MAGI1: variants seen among roughly 807,000 people sequenced by gnomAD.
MAGI1 encodes membrane associated guanylate kinase, WW and PDZ domain containing 1, also known as membrane-associated guanylate kinase, WW and PDZ domain-containing protein 1.
Under a neutral mutation model 139.9 loss-of-function variants are expected in MAGI1, and 58 were observed. That is an observed-to-expected ratio of 0.41 (90% CI 0.34 to 0.52). The LOEUF is 0.52. Ranked by LOEUF, MAGI1 falls within the 20% of genes least tolerant of loss-of-function variation. MAGI1 has a pLI of 0.12. For synonymous variants in MAGI1, 812 were observed against 737.9 expected (o/e 1.10, Z -1.63); for missense variants, 1,874 against 1,901.6 (o/e 0.99, Z 0.27).
intron 3 of MAGI1, among the ~76,000 whole-genome samples, chr3:65,492,545 G>A (rs570061321): frequency 7.2e-5 from 11 of 152,268 alleles, no homozygotes; most frequent in Non-Finnish European, 1.5e-4. Flanking sequence ...TTACTGAATT[G>A]CAATGACCTA....
At chr3:65,795,131 T>G (rs1287152618) in intron 1 of MAGI1, among the ~76,000 whole-genome samples, 1 of 152,202 alleles carries the variant, frequency 6.6e-6, no homozygotes, top group Non-Finnish European at 1.5e-5. Context: ...TGACCAGCAA[T>G]TGCTCTCTTG....
intron 1 of MAGI1, among the ~76,000 whole-genome samples, chr3:65,726,494 C>T (rs1220306307): frequency 6.6e-6 from 1 of 152,118 alleles, no homozygotes; most frequent in Non-Finnish European, 1.5e-5. Context: ...GCATATATTG[C>T]CCTATTTTTG....
In MAGI1 at chr3:65,354,941, T is replaced by C. The variant is rs1940137491; in HGVS notation, c.*1437A>G. ...TACAGTACCATGGGAACAACAGTGATTGACTTGCAAAGTTTTCTGTCTCTA... is the reference window on the plus strand; with the variant it reads ...TACAGTACCATGGGAACAACAGTGACTGACTTGCAAAGTTTTCTGTCTCTA... On this transcript the variant is annotated 3_prime_UTR_variant, in exon 23 of 23. Coordinates refer to ENST00000402939, the MANE Select transcript of MAGI1 (RefSeq NM_001033057.2). The C allele has an allele frequency of 6.6e-6, 1 of 152,278 alleles. No homozygotes were observed. 9.4% of individuals were successfully genotyped at this position (152,278 alleles called of 1,614,324 possible).
At chr3:65,446,540 TTGTGCTCCTGTACACAGC>T (rs11268153) in intron 7 of MAGI1, among the ~76,000 whole-genome samples, 45,424 of 151,926 alleles carry the variant, frequency 0.3, 7,094 homozygotes, top group African/African-American at 0.35. Flanking sequence ...GCAAATAAGG[TTGTGCTCCTGTACACAGC>T]TGTGCTATCT....
At chr3:65,707,391 C>A (rs974700955) in intron 1 of MAGI1, among the ~76,000 whole-genome samples, 1 of 152,164 alleles carries the variant, frequency 6.6e-6, no homozygotes, top group Non-Finnish European at 1.5e-5. Flanking sequence ...CTCGCCTCCC[C>A]GAGTGCCAGG....
intron 1 of MAGI1, among the ~76,000 whole-genome samples, chr3:65,781,897 C>CGG (rs2038965380): frequency 6.6e-6 from 1 of 151,936 alleles, no homozygotes; most frequent in Non-Finnish European, 1.5e-5. Flanking sequence ...ACTGGGGAAC[C>CGG]CCCCCTCACT....
intron 1 of MAGI1, among the ~76,000 whole-genome samples, chr3:65,630,425 G>C (rs1420587608): frequency 6.6e-6 from 1 of 152,162 alleles, no homozygotes; most frequent in Non-Finnish European, 1.5e-5. Context: ...TGGTATGCTA[G>C]AGAAACAGCA....
Position 66,033,363 on chromosome 3 carries a change from T to C in MAGI1, c.313+4633A>G, listed in dbSNP as rs192913572. Among the ~76,000 whole-genome samples, 568 of 152,228 alleles carry C rather than the reference T, an allele frequency of 3.7e-3. 7 individuals are homozygous for C. Among genetic ancestry groups the C allele is most frequent in the African/African-American group, 0.013 (540 of 41,542 alleles). ...AGTGGTGTGTGGGGGCCAGCTCACA[T>C]TGGCTTGGGAACAGCAAGTATACGC... On this transcript the variant is annotated intron_variant, in intron 1 of 22. Transcript: ENST00000402939.
chr3:65,652,445 G>A lies in MAGI1; in HGVS notation c.314-30357C>T, dbSNP rs956333395. Among the ~76,000 whole-genome samples, 6 of 152,148 alleles carry A rather than the reference G, an allele frequency of 3.9e-5. No individual in the cohort carries two copies. The South Asian group carries it at 6.2e-4, about 16-fold the overall frequency. ...TGCTCAGCATGTAGGATATGTTAGCGGCACCCCTGGTCTCTGTCCACAAGA... is the reference window on the plus strand; with the variant it reads ...TGCTCAGCATGTAGGATATGTTAGCAGCACCCCTGGTCTCTGTCCACAAGA... On this transcript the variant is annotated intron_variant, in intron 1 of 22. Transcript: ENST00000402939.
intron 1 of MAGI1, among the ~76,000 whole-genome samples, chr3:65,625,277 A>G (rs1177316590): frequency 6.6e-6 from 1 of 152,226 alleles, no homozygotes; most frequent in East Asian, 1.9e-4. Context: ...TATGTAAGCT[A>G]TACCAATAAA....
At chr3:65,809,293 A>G (rs880167) in intron 1 of MAGI1, among the ~76,000 whole-genome samples, 29,193 of 152,106 alleles carry the variant, frequency 0.19, 3,635 homozygotes, top group East Asian at 0.43. Flanking sequence ...TAGAAGAAAA[A>G]TTTAAGACCA....
At chr3:65,713,646 T>A (rs1352460984) in intron 1 of MAGI1, among the ~76,000 whole-genome samples, 1 of 152,130 alleles carries the variant, frequency 6.6e-6, no homozygotes, top group East Asian at 1.9e-4. Flanking sequence ...CAAAGAGACC[T>A]CAGTTCAAGT....
chr3:65,843,247 T>C (rs563787712), intron 1 of MAGI1, among the ~76,000 whole-genome samples: 72 of 152,308 alleles, frequency 4.7e-4, no homozygotes, highest in African/African-American at 1.6e-3. Flanking sequence ...TGCCATATTA[T>C]GTGGCAGCCC....
intron 2 of MAGI1, among the ~76,000 whole-genome samples, chr3:65,494,702 T>C (rs985270552): frequency 2.6e-5 from 4 of 152,352 alleles, no homozygotes; most frequent in East Asian, 1.9e-4. Flanking sequence ...TGTAATGCAA[T>C]TAAATAACCG....
chr3:65,687,894 T>G, intron 1 of MAGI1: 2 of 647,874 alleles, frequency 3.1e-6, no homozygotes. Context: ...TATCAAGGTA[T>G]TGCAGGGTGC....
chr3:65,396,786 G>C (rs1944424550), intron 13 of MAGI1, among the ~76,000 whole-genome samples: 1 of 152,214 alleles, frequency 6.6e-6, no homozygotes, highest in Non-Finnish European at 1.5e-5. Flanking sequence ...CGTCATTAAA[G>C]GGTGTGTGAA....
intron 2 of MAGI1, among the ~76,000 whole-genome samples, chr3:65,586,036 T>C (rs1015592885): frequency 1.3e-5 from 2 of 152,164 alleles, no homozygotes; most frequent in Admixed American, 6.6e-5. Context: ...AGTGAGACCC[T>C]GTCTGTACAA....
chr3:65,715,502 T>C (rs2032123193), intron 1 of MAGI1, among the ~76,000 whole-genome samples: 1 of 152,224 alleles, frequency 6.6e-6, no homozygotes, highest in South Asian at 2.1e-4. Context: ...AGCATTTGTC[T>C]ATTTCATCTT....
intron 3 of MAGI1, among the ~76,000 whole-genome samples, chr3:65,480,161 C>CAAAAAAAAAAA (rs55886178): frequency 7.1e-6 from 1 of 140,510 alleles, no homozygotes; most frequent in Non-Finnish European, 1.5e-5. Flanking sequence ...ACACAAGCAC[C>CAAAAAAAAAAA]AAAAAAAAAA....
Sources: allele counts gnomAD v4.1 joint callset (sites outside exome capture counted in the v4.1 genomes callset), GRCh38; gene constraint gnomAD v4.1.1; transcripts MANE v1.5; gene names NCBI Gene and HGNC (gene_info 2026-07-23, HGNC 2026-07-21).